Variants in CYTIP observed in about 807,000 individuals in gnomAD.
CYTIP encodes the protein cytohesin 1 interacting protein.
Under a neutral mutation model 43.8 loss-of-function variants are expected in CYTIP, and 26 were observed. That is an observed-to-expected ratio of 0.59 (90% confidence interval 0.44 to 0.82). CYTIP has a LOEUF of 0.82. Among genes scored for constraint, CYTIP ranks in the 40% least tolerant of loss-of-function variants. The pLI, the probability that CYTIP is intolerant of heterozygous loss-of-function variation, is 0.00. For synonymous variants in CYTIP, 162 were observed against 162.9 expected (o/e 0.99, Z 0.04); for missense variants, 426 against 443.1 (o/e 0.96, Z 0.35).
At chr2:157,435,540 T>C (rs1685796818) in intron 1 of CYTIP, among the ~76,000 whole-genome samples, 1 of 152,208 alleles carries the variant, frequency 6.6e-6, no homozygotes, top group Non-Finnish European at 1.5e-5. Context: ...TCAGGACACA[T>C]TCTACCACTG....
chr2:157,426,607 A>G (rs1267861291), intron 6 of CYTIP, among the ~76,000 whole-genome samples: 1 of 152,184 alleles, frequency 6.6e-6, no homozygotes, highest in Non-Finnish European at 1.5e-5. Context: ...GTAAACTACA[A>G]TCTCTGCTCA....
At chr2:157,427,897 C>A (rs940099543) in intron 5 of CYTIP, among the ~76,000 whole-genome samples, 3 of 152,184 alleles carry the variant, frequency 2.0e-5, no homozygotes, top group African/African-American at 7.2e-5. Context: ...CATGCTACTT[C>A]TTGAAAGAGG....
At chr2:157,432,899 G>T (rs1427141070) in intron 3 of CYTIP, among the ~76,000 whole-genome samples, 2 of 152,190 alleles carry the variant, frequency 1.3e-5, no homozygotes, top group Non-Finnish European at 2.9e-5. Context: ...TTACAGGAGT[G>T]TGGGTTCCTG....
At chr2:157,436,841 G>A (rs771819274) in intron 1 of CYTIP, among the ~76,000 whole-genome samples, 4 of 152,092 alleles carry the variant, frequency 2.6e-5, no homozygotes, top group African/African-American at 7.2e-5. Flanking sequence ...AAATATTCAC[G>A]TTCAGGAGAA....
intron 3 of CYTIP, 184 bp downstream of exon 3, chr2:157,434,186 A>G: frequency 1.6e-6 from 1 of 638,618 alleles, no homozygotes; most frequent in Non-Finnish European, 2.8e-6. Context: ...TATCATCTTC[A>G]ATGTTTTCTT....
chr2:157,427,401 T>C lies in CYTIP; in HGVS notation c.496A>G (p.Thr166Ala), dbSNP rs200588106. 280 of 1,608,780 alleles carry C rather than the reference T, an allele frequency of 1.7e-4. 5 individuals are homozygous for C. In the South Asian group the frequency reaches 3.0e-3, roughly 17 times the overall value. ...AGCTCCGTTCTTTTCAGAATCATTGTTCCATTAAGAGTCTCTATCCTGTTT... is the reference window on the plus strand; with the variant it reads ...AGCTCCGTTCTTTTCAGAATCATTGCTCCATTAAGAGTCTCTATCCTGTTT... ...NLLTIETLNG[T>A]MILKRTELEA... Residue 166 changes from threonine to alanine, a missense_variant, in exon 6 of 8, where the codon ACA (threonine) becomes GCA (alanine). Coordinates refer to ENST00000264192, the MANE Select transcript of CYTIP (RefSeq NM_004288.5).
intron 3 of CYTIP, among the ~76,000 whole-genome samples, chr2:157,432,052 C>A (rs1685721378): frequency 6.6e-6 from 1 of 152,168 alleles, no homozygotes; most frequent in Non-Finnish European, 1.5e-5. Flanking sequence ...AGCTTTCCTG[C>A]CAGGGGTCTT....
At chr2:157,422,484 A>G (rs1685537377) in intron 6 of CYTIP, among the ~76,000 whole-genome samples, 2 of 152,092 alleles carry the variant, frequency 1.3e-5, no homozygotes, top group Non-Finnish European at 2.9e-5. Flanking sequence ...CCTGCCCAAC[A>G]TGGTGAAAAT....
chr2:157,414,947 T>C lies in CYTIP; in HGVS notation c.*730A>G, dbSNP rs1685416824. ...CAAAGCTGTAGGATTCGGAGAGTTC[T>C]AGACTTGCCATTAATGTTCAGGCAG... On this transcript the variant is annotated 3_prime_UTR_variant, in exon 8 of 8. Transcript: ENST00000264192. 6.6e-6 allele frequency: 1 copy of C among 152,234 alleles called. No individual in the cohort carries two copies. Among genetic ancestry groups the C allele is most frequent in the Non-Finnish European group, 1.5e-5 (1 of 68,042 alleles). 9.4% of individuals were successfully genotyped at this position (152,234 alleles called of 1,614,324 possible).
intron 3 of CYTIP, among the ~76,000 whole-genome samples, chr2:157,431,723 T>C (rs1471131988): frequency 6.6e-6 from 1 of 152,190 alleles, no homozygotes; most frequent in African/African-American, 2.4e-5. Context: ...AATTATGAAG[T>C]CTAGTTCCAC....
intron 1 of CYTIP, among the ~76,000 whole-genome samples, chr2:157,438,557 C>T (rs1167709827): frequency 1.3e-5 from 2 of 152,096 alleles, no homozygotes; most frequent in Non-Finnish European, 1.5e-5. Flanking sequence ...AAGAAATGAT[C>T]ATTGTGTGAG....
chr2:157,432,734 A>G (rs1444782652), intron 3 of CYTIP, among the ~76,000 whole-genome samples: 1 of 152,160 alleles, frequency 6.6e-6, no homozygotes, highest in Non-Finnish European at 1.5e-5. Context: ...ATGTACTCAC[A>G]CTGCATGCAC....
chr2:157,426,408 G>A (rs975794213), intron 6 of CYTIP, among the ~76,000 whole-genome samples: 3 of 152,076 alleles, frequency 2.0e-5, no homozygotes, highest in Non-Finnish European at 2.9e-5. Flanking sequence ...AAGCACAGTG[G>A]CAAGAGTATC....
At chr2:157,438,267 C>A (rs959643802) in intron 1 of CYTIP, among the ~76,000 whole-genome samples, 1 of 151,944 alleles carries the variant, frequency 6.6e-6, no homozygotes, top group South Asian at 2.1e-4. Context: ...GTGAGATAAG[C>A]CAGGAATAGA....
intron 3 of CYTIP, 83 bp from the exon 4 acceptor site, chr2:157,431,045 A>G (rs886573979): frequency 1.2e-5 from 13 of 1,088,398 alleles, no homozygotes; most frequent in Admixed American, 9.7e-5. Flanking sequence ...GTCAATTATC[A>G]TTAAGCAGTA....
intron 5 of CYTIP, among the ~76,000 whole-genome samples, chr2:157,427,705 T>C (rs544728321): frequency 1.4e-4 from 22 of 152,356 alleles, no homozygotes; most frequent in Non-Finnish European, 2.9e-4. Context: ...AGTCACTATG[T>C]GACAATGATG....
At chr2:157,440,023 G>A (rs564484659) in intron 1 of CYTIP, among the ~76,000 whole-genome samples, 13 of 152,274 alleles carry the variant, frequency 8.5e-5, no homozygotes, top group Admixed American at 7.9e-4. Context: ...CCACTTCTGG[G>A]TTACAGAGGT....
At chr2:157,430,710 C>T (rs973471101) in intron 4 of CYTIP, 58 bp from the exon 5 acceptor site, 13 of 1,538,378 alleles carry the variant, frequency 8.5e-6, no homozygotes, top group African/African-American at 2.7e-5. Flanking sequence ...TCCCTCCTGA[C>T]ATGCAAATGA....
rs1010678430 is a variant in CYTIP, at chr2:157,433,657, G to T, written c.279+713C>A. On this transcript the variant is annotated intron_variant, in intron 3 of 7. Coordinates refer to ENST00000264192, the MANE Select transcript of CYTIP (RefSeq NM_004288.5). ...CACTTAATTGGGTTAGACTTCATTTGACCTACCTCACCCATTTTACAAATG... is the reference window on the plus strand; with the variant it reads ...CACTTAATTGGGTTAGACTTCATTTTACCTACCTCACCCATTTTACAAATG... Among the ~76,000 whole-genome samples, 7 of 151,894 alleles carry T rather than the reference G, an allele frequency of 4.6e-5. No individual in the cohort carries two copies. The South Asian group carries it at 1.5e-3, about 31-fold the overall frequency.
Sources: gnomAD v4.1 joint callset for allele counts (sites outside exome capture counted in the v4.1 genomes callset) on GRCh38, gnomAD v4.1.1 for gene constraint, MANE v1.5 for transcripts, NCBI Gene and HGNC (gene_info 2026-07-23, HGNC 2026-07-21) for gene names.